NAALAD2: variants seen among roughly 807,000 people sequenced by gnomAD.
The protein encoded by NAALAD2 is N-acetylated-alpha-linked acidic dipeptidase 2.
Under a neutral mutation model 95.6 loss-of-function variants are expected in NAALAD2, and 89 were observed. The observed-to-expected ratio is 0.93, with a 90% CI of 0.78 to 1.11. The LOEUF (loss-of-function observed/expected upper bound fraction) is 1.11. NAALAD2 is among the 50% of genes least tolerant of loss of function. NAALAD2 has a pLI of 0.00. For synonymous variants in NAALAD2, 264 were observed against 294.4 expected (o/e 0.90, Z 1.06); for missense variants, 894 against 872.4 (o/e 1.02, Z -0.31).
At chr11:90,167,850 G>GCAATCGGCTCTCTGTAAAACAGAC (rs557352429) in intron 11 of NAALAD2, among the ~76,000 whole-genome samples, 1 of 152,124 alleles carries the variant, frequency 6.6e-6, no homozygotes, top group Non-Finnish European at 1.5e-5. Context: ...TCAAAACGGA[G>GCAATCGGCTCTCTGTAAAACAGAC]CAATCGGCTC....
upstream of NAALAD2, among the ~76,000 whole-genome samples, chr11:90,132,569 T>G (rs1305347120): frequency 6.6e-6 from 1 of 152,172 alleles, no homozygotes; most frequent in Non-Finnish European, 1.5e-5. Flanking sequence ...AAATAACATT[T>G]GATATTGTTT....
chr11:90,147,948 G>A (rs1951787613), intron 3 of NAALAD2, among the ~76,000 whole-genome samples: 2 of 152,294 alleles, frequency 1.3e-5, no homozygotes, highest in South Asian at 4.1e-4. Context: ...GCATATACTA[G>A]CCTAGTTTTA....
Position 90,141,722 on chromosome 11 carries a change from T to C in NAALAD2, c.195-5608T>C, listed in dbSNP as rs7125075. On this transcript the variant is annotated intron_variant, in intron 2 of 18. Coordinates refer to ENST00000534061, the MANE Select transcript of NAALAD2 (RefSeq NM_005467.4). Reference sequence around the variant, plus strand: ...ACCTAGGCCTCCCAGAGTTCTGGGATTACAAATGTGAGCCACTGGACTTGG... The same window carrying C: ...ACCTAGGCCTCCCAGAGTTCTGGGACTACAAATGTGAGCCACTGGACTTGG... 6.3e-3 allele frequency among the ~76,000 whole-genome samples: 957 copies of C among 152,284 alleles called. 13 individuals are homozygous for C. Among genetic ancestry groups the C allele is most frequent in the African/African-American group, 0.022 (897 of 41,550 alleles).
chr11:90,187,682 A>AT (rs1857195261), intron 18 of NAALAD2, among the ~76,000 whole-genome samples: 1 of 152,218 alleles, frequency 6.6e-6, no homozygotes. Context: ...TAAATCTTAT[A>AT]AAACCTCTAA....
Position 90,147,529 on chromosome 11 carries a change from G to A in NAALAD2, c.381+13G>A. The stretch of plus-strand genomic sequence containing the variant: ...ACATGAAACTGAGGTATGTGAAATT[G>A]TTGGTACTTTTTATATTTTGCAATC... On this transcript the variant is annotated intron_variant, in intron 3 of 18. Coordinates refer to ENST00000534061, the MANE Select transcript of NAALAD2 (RefSeq NM_005467.4). 3.8e-6 allele frequency: 6 copies of A among 1,587,390 alleles called. No homozygotes were observed. Among genetic ancestry groups the A allele is most frequent in the Non-Finnish European group, 5.1e-6 (6 of 1,166,500 alleles).
intron 8 of NAALAD2, among the ~76,000 whole-genome samples, chr11:90,162,212 G>A (rs1952316726): frequency 6.6e-6 from 1 of 152,138 alleles, no homozygotes; most frequent in South Asian, 2.1e-4. Flanking sequence ...TAAAATGTGA[G>A]TGATACTTTG....
chr11:90,136,274 T>C (rs1413275952), intron 2 of NAALAD2, among the ~76,000 whole-genome samples: 4 of 152,312 alleles, frequency 2.6e-5, no homozygotes, highest in East Asian at 1.9e-4. Flanking sequence ...AAATGGGTGT[T>C]ATTTTTTAAA....
At chr11:90,150,071 G>A (rs1951847101) in intron 4 of NAALAD2, among the ~76,000 whole-genome samples, 1 of 151,970 alleles carries the variant, frequency 6.6e-6, no homozygotes, top group Admixed American at 6.6e-5. Context: ...GGCCAACATG[G>A]TGAAACCCAT....
chr11:90,159,722 G>A (rs963852598), intron 8 of NAALAD2, among the ~76,000 whole-genome samples: 15 of 151,888 alleles, frequency 9.9e-5, no homozygotes, highest in South Asian at 4.2e-4. Flanking sequence ...AGGCTGAGGC[G>A]GGCGGATCAC....
At chr11:90,151,854 A>G (rs139586308) in intron 5 of NAALAD2, among the ~76,000 whole-genome samples, 248 of 152,286 alleles carry the variant, frequency 1.6e-3, no homozygotes, top group Middle Eastern at 6.8e-3. Flanking sequence ...TTCCATAAAT[A>G]TTTGTAGAAT....
intron 4 of NAALAD2, among the ~76,000 whole-genome samples, chr11:90,150,022 C>T (rs530990286): frequency 3.3e-5 from 5 of 152,098 alleles, no homozygotes; most frequent in Admixed American, 2.6e-4. Flanking sequence ...GAGGTTGAGG[C>T]GGGCAGATCT....
At chr11:90,150,426 T>C in intron 4 of NAALAD2, 56 bp from the exon 5 acceptor site, 1 of 1,177,336 alleles carries the variant, frequency 8.5e-7, no homozygotes, top group Non-Finnish European at 1.1e-6. Context: ...ACTTATTTTT[T>C]GTTTTTTTTT....
chr11:90,159,991 G>A (rs929450947), intron 8 of NAALAD2, among the ~76,000 whole-genome samples: 5 of 150,542 alleles, frequency 3.3e-5, no homozygotes, highest in African/African-American at 1.2e-4. Context: ...GTGAAGTTAA[G>A]GGAGAGGTAA....
Position 90,173,836 on chromosome 11 carries a change from G to A in NAALAD2, c.1423G>A (p.Asp475Asn). Residue 475 changes from aspartate (D) to asparagine (N), a missense_variant, in exon 14 of 19, where the codon GAT becomes AAT. Physicochemically the swap from Asp to Asn is conservative, Grantham distance 23. Coordinates refer to ENST00000534061, the MANE Select transcript of NAALAD2 (RefSeq NM_005467.4). ...TTTCTCTTTCCAGATCCCCAGCCCT[G>A]ATGATGGGTTTGAGAGTAAATCACT... ...YKLTKEIPSP[D>N]DGFESKSLYE... The A allele has an allele frequency of 6.2e-7, 1 of 1,612,684 alleles. No homozygotes were observed. The highest frequency in any genetic ancestry group is 1.7e-5 in the Admixed American group (1 of 59,800).
chr11:90,144,740 TAA>T (rs773275468), intron 2 of NAALAD2, among the ~76,000 whole-genome samples: 11 of 90,888 alleles, frequency 1.2e-4, no homozygotes, highest in Admixed American at 2.8e-4. Context: ...AAAACTCCAT[TAA>T]AAAAAAAAAA....
At chr11:90,184,135 A>G (rs1857051180) in intron 18 of NAALAD2, among the ~76,000 whole-genome samples, 1 of 152,172 alleles carries the variant, frequency 6.6e-6, no homozygotes, top group Non-Finnish European at 1.5e-5. Context: ...AATTAAGATG[A>G]TGATAATTGC....
intron 9 of NAALAD2, 123 bp from the exon 10 acceptor site, chr11:90,163,187 A>C: frequency 7.9e-7 from 1 of 1,264,180 alleles, no homozygotes; most frequent in East Asian, 2.4e-5. Flanking sequence ...AGAAGATTTT[A>C]CTTTATAGTG....
chr11:90,154,863 ATAT>A (rs1293399040), intron 6 of NAALAD2, among the ~76,000 whole-genome samples: 16 of 137,980 alleles, frequency 1.2e-4, no homozygotes, highest in Non-Finnish European at 2.3e-4. Flanking sequence ...TAATATGTAT[ATAT>A]TATATACGTA....
intron 6 of NAALAD2, among the ~76,000 whole-genome samples, chr11:90,155,683 A>G (rs1272460981): frequency 2.4e-5 from 1 of 42,132 alleles, no homozygotes; most frequent in Non-Finnish European, 3.7e-5. Flanking sequence ...TGTATGTAAT[A>G]CATACATACA....
Sources: gnomAD v4.1 joint callset for allele counts (sites outside exome capture counted in the v4.1 genomes callset) on GRCh38, gnomAD v4.1.1 for gene constraint, MANE v1.5 for transcripts, NCBI Gene and HGNC (gene_info 2026-07-23, HGNC 2026-07-21) for gene names.